ZNF77: variants seen among roughly 807,000 people sequenced by gnomAD.
The protein encoded by ZNF77 is ZNFpT1.
A neutral mutation model predicts 13.5 loss-of-function variants in ZNF77; 15 were observed. The observed-to-expected ratio is 1.11, with a 90% CI of 0.74 to 1.71. The LOEUF is 1.71. Among genes scored for constraint, ZNF77 ranks in the 40% most tolerant of loss-of-function variants. The pLI is 0.00. For synonymous variants in ZNF77, 282 were observed against 250.0 expected, an observed-to-expected ratio of 1.13 and a Z score of -1.21; for missense variants, 717 against 676.4, an observed-to-expected ratio of 1.06 and a Z score of -0.67.
At chr19:2,939,561 AATGC>A in intron 1 of ZNF77, 154 bp from the exon 2 acceptor site, 1 of 1,037,254 alleles carries the variant, frequency 9.6e-7, no homozygotes. Flanking sequence ...CAGTACACTC[AATGC>A]CGTGAGTACC....
intron 1 of ZNF77, among the ~76,000 whole-genome samples, chr19:2,943,692 A>AT (rs10633206): frequency 0.26 from 20,111 of 76,896 alleles, 2,055 homozygotes; most frequent in East Asian, 0.51. Context: ...TCTAGCCAGG[A>AT]TTTTTTTTTT....
chr19:2,934,038 G>A lies in ZNF77; in HGVS notation c.1089C>T (p.Tyr363=). The change falls in exon 4 of 4, where the codon TAC becomes TAT. Residue 363 remains tyrosine (Y), a synonymous_variant. Transcript: ENST00000314531. Reference sequence around the variant, plus strand: ...TCATGTGTGCTCGCAGAGAGGAGGGGTACCTGAAGGCTTTGCCGCATTCCT... The same window carrying A: ...TCATGTGTGCTCGCAGAGAGGAGGGATACCTGAAGGCTTTGCCGCATTCCT... The part of the protein sequence containing the change: ...ECKECGKAFR[Y]PSSLRAHMRM... The A allele has an allele frequency of 6.2e-7, 1 of 1,614,052 alleles. No individual in the cohort carries two copies. The highest frequency in any genetic ancestry group is 8.5e-7 in the Non-Finnish European group (1 of 1,179,992).
intron 1 of ZNF77, among the ~76,000 whole-genome samples, chr19:2,940,127 T>A (rs1325748321): frequency 6.6e-6 from 1 of 152,012 alleles, no homozygotes; most frequent in Non-Finnish European, 1.5e-5. Context: ...AAGACGAGCC[T>A]GGGTGACAGA....
chr19:2,934,375 TA>T lies in ZNF77; in HGVS notation c.751del (p.Tyr251IlefsTer9), dbSNP rs772638609. ...TACGTGCCGTGTAAGGTAGGAGTAA[TA>T]CATAAAGGTCTTCCCACATACTTTA... ...ACKVCGKTFM[Y>X]YSYLTRHVRT... is the part of the protein sequence containing the mutation. On this transcript the variant is annotated frameshift_variant, in exon 4 of 4. Coordinates refer to ENST00000314531, the MANE Select transcript of ZNF77 (RefSeq NM_021217.3). LOFTEE classifies it low-confidence loss of function (END_TRUNC). 17 of 1,614,228 alleles carry T rather than the reference TA, an allele frequency of 1.1e-5. No homozygotes were observed. The highest frequency in any genetic ancestry group is 1.4e-5 in the Non-Finnish European group (17 of 1,180,052).
At chr19:2,937,522 C>T (rs1343911446) in intron 2 of ZNF77, among the ~76,000 whole-genome samples, 1 of 151,336 alleles carries the variant, frequency 6.6e-6, no homozygotes, top group African/African-American at 2.4e-5. Flanking sequence ...ATAAACGTGG[C>T]AACCCATTTA....
intron 2 of ZNF77, among the ~76,000 whole-genome samples, chr19:2,938,779 A>T (rs1322865230): frequency 2.0e-5 from 3 of 151,966 alleles, no homozygotes; most frequent in Non-Finnish European, 2.9e-5. Context: ...ACACGGTGAA[A>T]CCCCATCTCT....
Position 2,933,706 on chromosome 19 carries a change from C to A in ZNF77, c.1421G>T (p.Ser474Ile). The A allele has an allele frequency of 6.2e-7, 1 of 1,611,468 alleles. No individual in the cohort carries two copies. Among genetic ancestry groups the A allele is most frequent in the South Asian group, 1.1e-5 (1 of 90,888 alleles). Residue 474 changes from serine to isoleucine, a missense_variant, in exon 4 of 4, where the codon AGC (serine) becomes ATC (isoleucine). By Grantham distance (142) the Ser-to-Ile change is moderately radical. Transcript: ENST00000314531. ...ATGCTTTTGAAAGTACTGAGCGTGG[C>A]TGAAGGCTTTCCCACATTGATTACA... is the stretch of plus-strand genomic sequence containing the variant. Reference protein sequence around the residue: ...YECNQCGKAFSHAQYFQKHVR... With the variant: ...YECNQCGKAFIHAQYFQKHVR...
intron 1 of ZNF77, among the ~76,000 whole-genome samples, chr19:2,943,831 TC>T (rs2088472587): frequency 6.7e-6 from 1 of 149,704 alleles, no homozygotes; most frequent in Non-Finnish European, 1.5e-5. Context: ...TGTCTCAGCC[TC>T]CCTGGTAGCT....
rs376670691 is a variant in ZNF77, at chr19:2,936,586, A to T, written c.249T>A (p.Phe83Leu). 7 of 1,611,134 alleles carry T rather than the reference A, an allele frequency of 4.3e-6. No homozygotes were observed. In the African/African-American group the frequency reaches 8.0e-5, roughly 18 times the overall value. Residue 83 changes from phenylalanine (F) to leucine (L), a missense_variant, in exon 3 of 4, where the codon TTT becomes TTA. Transcript: ENST00000314531. ...TGTTATCAAATCTCCAATTTTCTCCAAAAATAGACCAGGAATCACTTCCTG... is the reference window on the plus strand; with the variant it reads ...TGTTATCAAATCTCCAATTTTCTCCTAAAATAGACCAGGAATCACTTCCTG... ...KFTGSDSWSI[F>L]GENWRFDNTG...
Position 2,941,666 on chromosome 19 carries a change from T to A in ZNF77, c.4-2259A>T, listed in dbSNP as rs144232343. Among the ~76,000 whole-genome samples, 98 of 152,268 alleles carry A rather than the reference T, an allele frequency of 6.4e-4. No homozygotes were observed. In the East Asian group the frequency reaches 0.018, roughly 28 times the overall value. On this transcript the variant is annotated intron_variant, in intron 1 of 3. Transcript: ENST00000314531. Reference sequence around the variant, plus strand: ...GAAAACAGGTATCAGTTAATGATTATCCTCATGATAAATTGTTCGTCAGTC... The same window carrying A: ...GAAAACAGGTATCAGTTAATGATTAACCTCATGATAAATTGTTCGTCAGTC...
At chr19:2,942,505 C>T (rs4807374) in intron 1 of ZNF77, among the ~76,000 whole-genome samples, 15,913 of 150,842 alleles carry the variant, frequency 0.11, 1,224 homozygotes, top group East Asian at 0.33. Flanking sequence ...ACCACAGGTG[C>T]GCATCCCCAT....
chr19:2,937,850 G>A (rs965895313), intron 2 of ZNF77, among the ~76,000 whole-genome samples: 1 of 152,056 alleles, frequency 6.6e-6, no homozygotes, highest in African/African-American at 2.4e-5. Flanking sequence ...TCCGTGTCCT[G>A]GGTTCAAGCA....
At position 2,934,493 on chromosome 19, in the gene ZNF77, A is replaced by G; in HGVS notation, c.634T>C (p.Tyr212His). Reference protein sequence around the residue: ...YVKSLSSKKSYECQKCGKAFI... With the variant: ...YVKSLSSKKSHECQKCGKAFI... ...GCTTTTCCACATTTCTGACATTCATAAGACTTTTTACTGCTGAGACTTTTC... is the reference window on the plus strand; with the variant it reads ...GCTTTTCCACATTTCTGACATTCATGAGACTTTTTACTGCTGAGACTTTTC... Residue 212 changes from tyrosine (Y) to histidine (H), a missense_variant, in exon 4 of 4, where the codon TAT (tyrosine) becomes CAT (histidine). Tyr to His is a moderately conservative substitution (Grantham distance 83). Transcript: ENST00000314531. 1 of 1,614,228 alleles carries G rather than the reference A, an allele frequency of 6.2e-7. No individual in the cohort carries two copies. The highest frequency in any genetic ancestry group is 8.5e-7 in the Non-Finnish European group (1 of 1,180,042).
chr19:2,942,453 G>A (rs1396125763), intron 1 of ZNF77, among the ~76,000 whole-genome samples: 1 of 149,738 alleles, frequency 6.7e-6, no homozygotes, highest in Non-Finnish European at 1.5e-5. Context: ...CAAACTCGTG[G>A]GCTCAAGCGA....
intron 1 of ZNF77, among the ~76,000 whole-genome samples, chr19:2,943,132 CT>C (rs1386259105): frequency 2.0e-5 from 3 of 152,060 alleles, no homozygotes; most frequent in African/African-American, 7.2e-5. Flanking sequence ...AGCTCTCCCC[CT>C]GCAGCTGTCT....
chr19:2,942,050 A>G (rs1338765118), intron 1 of ZNF77, among the ~76,000 whole-genome samples: 1 of 20,902 alleles, frequency 4.8e-5, no homozygotes, highest in Admixed American at 5.6e-4. Flanking sequence ...TAAGGACAAG[A>G]AAAAAAAGGC....
In ZNF77 at chr19:2,940,138, G is replaced by C. The variant is rs566341238; in HGVS notation, c.4-731C>G. Among the ~76,000 whole-genome samples the C allele has an allele frequency of 2.1e-4, 32 of 151,884 alleles. 1 individual carries two copies. The South Asian group carries it at 6.4e-3, about 31-fold the overall frequency. On this transcript the variant is annotated intron_variant, in intron 1 of 3. Transcript: ENST00000314531. ...GTTCAAGACGAGCCTGGGTGACAGA[G>C]CAAAGACCCTGTCTCTTAAAAAAAA...
Position 2,944,907 on chromosome 19 carries a change from C to T in ZNF77, c.-67G>A. 6.7e-7 allele frequency: 1 copy of T among 1,500,058 alleles called. No homozygotes were observed. Among genetic ancestry groups the T allele is most frequent in the African/African-American group, 1.4e-5 (1 of 70,178 alleles). The allele number at this position is 1,500,058 out of a possible 1,614,324, so 92.9% of individuals were successfully genotyped here. A position where few individuals can be genotyped will look rare whatever the true frequency, so the allele number is the denominator to read the frequency against. On this transcript the variant is annotated 5_prime_UTR_variant, in exon 1 of 4. It adds an upstream start codon to the 5' untranslated region. Coordinates refer to ENST00000314531, the MANE Select transcript of ZNF77 (RefSeq NM_021217.3). ...GTCCAGCGACCGGCGCAGGTGAGCA[C>T]GACAGGACACCTGAGCCGCTCGGGG...
At chr19:2,938,768 A>T (rs192850176) in intron 2 of ZNF77, among the ~76,000 whole-genome samples, 4 of 152,092 alleles carry the variant, frequency 2.6e-5, no homozygotes, top group African/African-American at 9.7e-5. Flanking sequence ...CATCCTGGCT[A>T]ACACGGTGAA....
Sources: gnomAD v4.1 joint callset for allele counts (sites outside exome capture counted in the v4.1 genomes callset) on GRCh38, gnomAD v4.1.1 for gene constraint, MANE v1.5 for transcripts, NCBI Gene and HGNC (gene_info 2026-07-23, HGNC 2026-07-21) for gene names.